The following ST7L variants were observed in gnomAD, a reference collection of about 807,000 sequenced individuals.
The protein encoded by ST7L is suppression of tumorigenicity 7 like.
ST7L carries 57 observed loss-of-function variants against 72.5 expected under a neutral mutation model. The observed-to-expected ratio is 0.79, with a 90% CI of 0.64 to 0.98. ST7L has a LOEUF of 0.98. Ranked by LOEUF, ST7L falls within the 50% of genes least tolerant of loss-of-function variation. The probability of loss-of-function intolerance (pLI) is 0.00; values close to 1 mark genes in which losing one functional copy is unlikely to be tolerated. For synonymous variants in ST7L, 221 were observed against 240.9 expected (o/e 0.92, Z 0.77); for missense variants, 576 against 672.2 (o/e 0.86, Z 1.58).
At chr1:112,549,119 A>T (rs1220222630) in intron 13 of ST7L, among the ~76,000 whole-genome samples, 1 of 152,134 alleles carries the variant, frequency 6.6e-6, no homozygotes, top group African/African-American at 2.4e-5. Flanking sequence ...GGGGCCAGCC[A>T]TGGTGGTTCA....
At chr1:112,584,519 C>T (rs1040094911) in intron 6 of ST7L, among the ~76,000 whole-genome samples, 1 of 151,398 alleles carries the variant, frequency 6.6e-6, no homozygotes, top group Non-Finnish European at 1.5e-5. Flanking sequence ...TGGAATTTTG[C>T]TTTTGTCACC....
intron 3 of ST7L, chr1:112,607,697 T>C (rs1270814211): frequency 8.5e-6 from 1 of 117,306 alleles, no homozygotes; most frequent in Admixed American, 8.2e-5. Flanking sequence ...ATATAAATGA[T>C]ATAAACTAAA....
downstream of ST7L, chr1:112,520,697 G>A: frequency 3.2e-6 from 2 of 634,064 alleles, no homozygotes; most frequent in South Asian, 4.1e-5. Context: ...GAGTTGTCAG[G>A]GGATATAAGA....
At chr1:112,527,341 CTT>C (rs765137132) in intron 14 of ST7L, 2 of 152,552 alleles carry the variant, frequency 1.3e-5, no homozygotes, top group Admixed American at 1.3e-4. Context: ...CCAAGGCAGA[CTT>C]TATTTTTTGG....
downstream of ST7L, chr1:112,520,380 C>G (rs766920724): frequency 6.2e-6 from 10 of 1,614,146 alleles, no homozygotes; most frequent in Non-Finnish European, 8.5e-6. Flanking sequence ...CAACTCGAGT[C>G]ACCCGTGTTA....
In ST7L at chr1:112,574,644, A is replaced by G. The variant is rs199631231; in HGVS notation, c.1245+2342T>C. 2.0e-4 allele frequency among the ~76,000 whole-genome samples: 30 copies of G among 151,622 alleles called. No homozygotes were observed. In the East Asian group the frequency reaches 4.3e-3, roughly 22 times the overall value. On this transcript the variant is annotated intron_variant, in intron 11 of 14. Coordinates refer to ENST00000358039, the MANE Select transcript of ST7L (RefSeq NM_017744.5). ...ACTGCACTCCAGCCTGGGCGACAGA[A>G]CAAGACTCCGTCTCAAAAAAAAAAG...
Position 112,598,575 on chromosome 1 carries a change from T to A in ST7L, c.507-489A>T, listed in dbSNP as rs867940282. ...GACTAGCTTGAGCAATATAGCGAGA[T>A]CTTATCTCTATTTTTTAACTAAAAA... On this transcript the variant is annotated intron_variant, in intron 4 of 14. Transcript: ENST00000358039. 3.3e-5 allele frequency among the ~76,000 whole-genome samples: 5 copies of A among 149,882 alleles called. No individual in the cohort carries two copies. In the South Asian group the frequency reaches 1.1e-3, roughly 32 times the overall value.
Position 112,607,282 on chromosome 1 carries a change from G to A in ST7L, c.451+3559C>T, listed in dbSNP as rs529233943. 8 of 152,212 alleles carry A rather than the reference G, an allele frequency of 5.3e-5. No homozygotes were observed. In the East Asian group the frequency reaches 1.5e-3, roughly 29 times the overall value. 9.4% of individuals were successfully genotyped at this position (152,212 alleles called of 1,614,324 possible). A position where few individuals can be genotyped will look rare whatever the true frequency, so the allele number is the denominator to read the frequency against. Reference sequence around the variant, plus strand: ...AAGAGATGTTTAAGGGCCTAGATATGGGGCTATGAATGTTGAAAGAAAAGA... The same window carrying A: ...AAGAGATGTTTAAGGGCCTAGATATAGGGCTATGAATGTTGAAAGAAAAGA... On this transcript the variant is annotated intron_variant, in intron 3 of 14. Coordinates refer to ENST00000358039, the MANE Select transcript of ST7L (RefSeq NM_017744.5).
intron 13 of ST7L, among the ~76,000 whole-genome samples, chr1:112,542,514 T>C (rs1656273893): frequency 6.6e-6 from 1 of 152,142 alleles, no homozygotes; most frequent in African/African-American, 2.4e-5. Context: ...TCCCAGCGCT[T>C]TGGGGGGCCA....
At chr1:112,601,413 T>G (rs1247939874) in intron 3 of ST7L, among the ~76,000 whole-genome samples, 1 of 152,036 alleles carries the variant, frequency 6.6e-6, no homozygotes, top group Non-Finnish European at 1.5e-5. Context: ...ACCCGGCTAA[T>G]TTTTTGTATT....
chr1:112,545,549 G>A (rs1656910902), intron 13 of ST7L, among the ~76,000 whole-genome samples: 1 of 152,114 alleles, frequency 6.6e-6, no homozygotes, highest in Non-Finnish European at 1.5e-5. Flanking sequence ...CACCTCTTTA[G>A]AAAGGAAAAT....
At chr1:112,610,809 C>G in intron 3 of ST7L, 32 bp downstream of exon 3, 2 of 1,607,454 alleles carry the variant, frequency 1.2e-6, no homozygotes, top group Non-Finnish European at 1.7e-6. Flanking sequence ...CTTAAATACA[C>G]AGCTCTGAAA....
intron 6 of ST7L, among the ~76,000 whole-genome samples, chr1:112,586,892 C>A (rs949852178): frequency 6.6e-6 from 1 of 152,174 alleles, no homozygotes. Context: ...TCATCATCCC[C>A]ACAAGAAACT....
At chr1:112,551,103 C>T (rs200424959) in intron 12 of ST7L, among the ~76,000 whole-genome samples, 1 of 146,450 alleles carries the variant, frequency 6.8e-6, no homozygotes, top group East Asian at 2.0e-4. Context: ...CCTAACTTCA[C>T]ATGTGAGTTT....
intron 11 of ST7L, chr1:112,571,480 A>ATGCC (rs1662137625): frequency 3.8e-6 from 1 of 265,710 alleles, no homozygotes; most frequent in Non-Finnish European, 7.3e-6. Flanking sequence ...CAGGCAGAGT[A>ATGCC]CAATGGCATG....
At chr1:112,539,991 C>T in intron 14 of ST7L, 2 of 985,276 alleles carry the variant, frequency 2.0e-6, no homozygotes, top group Non-Finnish European at 2.4e-6. Context: ...AAAGAAGCTT[C>T]CATTTAAAAT....
rs1653026925 is a variant in ST7L at position 112,523,910 on chromosome 1, C to T, written c.*2103G>A. On this transcript the variant is annotated 3_prime_UTR_variant, in exon 15 of 15. Transcript: ENST00000358039. Reference sequence around the variant, plus strand: ...ACCTAGCCCTGCAGATAAAAGCTAACTTTTATTAATACCAGCCCTGAATAA... The same window carrying T: ...ACCTAGCCCTGCAGATAAAAGCTAATTTTTATTAATACCAGCCCTGAATAA... The T allele has an allele frequency of 6.6e-6, 1 of 151,586 alleles. No homozygotes were observed. The highest frequency in any genetic ancestry group is 2.4e-5 in the African/African-American group (1 of 41,224). The allele number at this position is 151,586 out of a possible 1,614,324, so 9.4% of individuals were successfully genotyped here. A position where few individuals can be genotyped will look rare whatever the true frequency, so the allele number is the denominator to read the frequency against.
intron 11 of ST7L, among the ~76,000 whole-genome samples, chr1:112,570,400 A>G (rs907828374): frequency 2.6e-5 from 4 of 152,112 alleles, no homozygotes; most frequent in African/African-American, 4.8e-5. Context: ...AACAAATTGC[A>G]CAGCTCTAGA....
In ST7L at chr1:112,601,977, C is replaced by CTGAGAG. The variant is rs113412879; in HGVS notation, c.452-1135_452-1130dup. ...CCTGTAATCCCAGGTACTCAGGAGGCTGAGAGTGAGACAGAAGAATTGCTT... is the reference window on the plus strand; with the variant it reads ...CCTGTAATCCCAGGTACTCAGGAGGCTGAGAGTGAGAGTGAGACAGAAGAATTGCTT... On this transcript the variant is annotated intron_variant, in intron 3 of 14. Coordinates refer to ENST00000358039, the MANE Select transcript of ST7L (RefSeq NM_017744.5). Among the ~76,000 whole-genome samples the CTGAGAG allele has an allele frequency of 2.2e-3, 331 of 150,650 alleles. 3 individuals are homozygous for CTGAGAG. The highest frequency in any genetic ancestry group is 6.9e-3 in the African/African-American group (284 of 41,022).
Sources: allele counts gnomAD v4.1 joint callset (sites outside exome capture counted in the v4.1 genomes callset), GRCh38; gene constraint gnomAD v4.1.1; transcripts MANE v1.5; gene names NCBI Gene and HGNC (gene_info 2026-07-23, HGNC 2026-07-21).